The following KIF6 variants were observed in gnomAD, a reference collection of about 807,000 sequenced individuals.
KIF6 encodes kinesin-like protein KIF6.
In KIF6, 106 loss-of-function variants were observed where a neutral mutation model predicts 112.7. The observed-to-expected ratio is 0.94, with a 90% CI of 0.80 to 1.11. KIF6 has a LOEUF of 1.11. Among genes scored for constraint, KIF6 ranks in the 50% least tolerant of loss-of-function variants. The pLI, the probability that KIF6 is intolerant of heterozygous loss-of-function variation, is 0.00. For missense variants in KIF6, 929 were observed against 964.0 expected (o/e 0.96, Z 0.48); for synonymous variants, 339 against 339.9 (o/e 1.00, Z 0.03).
At chr6:39,460,386 AG>A (rs1273450191) in intron 13 of KIF6, among the ~76,000 whole-genome samples, 1 of 53,294 alleles carries the variant, frequency 1.9e-5, no homozygotes, top group Non-Finnish European at 3.3e-5. Flanking sequence ...GGGTGGGGGG[AG>A]GGGGGAGGGA....
chr6:39,586,521 GA>G (rs1364535598), intron 7 of KIF6, 117 bp from the exon 8 acceptor site: 1 of 765,536 alleles, frequency 1.3e-6, no homozygotes, highest in Non-Finnish European at 2.2e-6. Context: ...AATGCACGGT[GA>G]AGCCCAAAAC....
chr6:39,581,660 T>C (rs529687304), intron 9 of KIF6, among the ~76,000 whole-genome samples: 85 of 142,088 alleles, frequency 6.0e-4, no homozygotes, highest in South Asian at 1.8e-3. Context: ...AGTGGATAGA[T>C]TTTTTTTTTT....
chr6:39,409,339 G>C (rs957084109), intron 15 of KIF6, among the ~76,000 whole-genome samples: 5 of 152,202 alleles, frequency 3.3e-5, no homozygotes, highest in African/African-American at 1.2e-4. Context: ...TGTTCAGGTA[G>C]CTGCCAGGGT....
Position 39,629,091 on chromosome 6 carries a change from T to C in KIF6, c.509+5758A>G, listed in dbSNP as rs1361195742. ...TTAACCTATTGATGAACATCTTGGT[T>C]CCTACCAATTTTTAGCAATTATGAA... is the stretch of plus-strand genomic sequence containing the variant. On this transcript the variant is annotated intron_variant, in intron 5 of 22. Coordinates refer to ENST00000287152, the MANE Select transcript of KIF6 (RefSeq NM_145027.6). 2.0e-5 allele frequency among the ~76,000 whole-genome samples: 3 copies of C among 152,166 alleles called. No individual in the cohort carries two copies. The East Asian group carries it at 5.8e-4, about 29-fold the overall frequency.
intron 10 of KIF6, among the ~76,000 whole-genome samples, chr6:39,565,483 G>A (rs192344059): frequency 2.0e-3 from 306 of 152,254 alleles, no homozygotes; most frequent in Non-Finnish European, 3.5e-3. Context: ...AATCAAACAG[G>A]AGGATAAATC....
At chr6:39,685,587 G>A (rs1787813479) in intron 3 of KIF6, among the ~76,000 whole-genome samples, 1 of 152,240 alleles carries the variant, frequency 6.6e-6, no homozygotes, top group Admixed American at 6.5e-5. Context: ...ATGCAGGCAT[G>A]AGTCTATAGT....
chr6:39,524,261 T>C (rs1303533633), intron 13 of KIF6, among the ~76,000 whole-genome samples: 1 of 152,142 alleles, frequency 6.6e-6, no homozygotes, highest in South Asian at 2.1e-4. Context: ...AAATACAGCA[T>C]ATATTTTGTC....
At chr6:39,635,596 C>T (rs1423507911) in intron 4 of KIF6, among the ~76,000 whole-genome samples, 1 of 151,914 alleles carries the variant, frequency 6.6e-6, no homozygotes, top group Non-Finnish European at 1.5e-5. Flanking sequence ...AGATGTTTAG[C>T]TATTAGATAG....
intron 13 of KIF6, among the ~76,000 whole-genome samples, chr6:39,539,200 G>A (rs966376898): frequency 9.3e-5 from 14 of 150,506 alleles, no homozygotes; most frequent in African/African-American, 2.2e-4. Context: ...ACATGTACCC[G>A]AAAACTTAAA....
intron 13 of KIF6, among the ~76,000 whole-genome samples, chr6:39,455,242 A>AC (rs1772991852): frequency 6.6e-6 from 1 of 151,396 alleles, no homozygotes; most frequent in Non-Finnish European, 1.5e-5. Context: ...ACTGGGAGGC[A>AC]CCCCCCAGCA....
chr6:39,684,222 C>A (rs902247172), intron 3 of KIF6, among the ~76,000 whole-genome samples: 1 of 152,158 alleles, frequency 6.6e-6, no homozygotes, highest in Admixed American at 6.6e-5. Flanking sequence ...TAAGAGTAGG[C>A]CGGGTGCAGG....
At chr6:39,517,421 T>C (rs1777146894) in intron 13 of KIF6, among the ~76,000 whole-genome samples, 1 of 152,186 alleles carries the variant, frequency 6.6e-6, no homozygotes, top group East Asian at 1.9e-4. Context: ...CTGTTGACAG[T>C]GGATAACAAA....
chr6:39,543,968 T>C (rs943767218), intron 12 of KIF6, among the ~76,000 whole-genome samples: 3 of 152,258 alleles, frequency 2.0e-5, no homozygotes, highest in African/African-American at 7.2e-5. Flanking sequence ...TGAACACTCA[T>C]CTATACTCAC....
intron 15 of KIF6, among the ~76,000 whole-genome samples, chr6:39,398,206 A>C (rs191154409): frequency 1.3e-5 from 2 of 152,298 alleles, no homozygotes; most frequent in Admixed American, 1.3e-4. Context: ...TAAAGGCGTA[A>C]TCCTTAATTA....
At chr6:39,410,731 C>G (rs917204486) in intron 15 of KIF6, among the ~76,000 whole-genome samples, 2 of 152,128 alleles carry the variant, frequency 1.3e-5, no homozygotes, top group African/African-American at 2.4e-5. Context: ...CTTTGAGAAC[C>G]TGGAAATTAA....
chr6:39,639,724 T>C lies in KIF6; in HGVS notation c.285A>G (p.Ala95=), dbSNP rs1205392986. 2 of 1,612,404 alleles carry C rather than the reference T, an allele frequency of 1.2e-6. No individual in the cohort carries two copies. Among genetic ancestry groups the C allele is most frequent in the Non-Finnish European group, 1.7e-6 (2 of 1,179,072 alleles). The change falls in exon 4 of 23, where the codon GCA becomes GCG. Residue 95 remains alanine, a synonymous_variant. Coordinates refer to ENST00000287152, the MANE Select transcript of KIF6 (RefSeq NM_145027.6). The part of the protein sequence containing the change: ...VLAGYNGTIF[A]YGQTGSGKTF... Reference sequence around the variant, plus strand: ...TCTTCCCGCTGCCTGTTTGCCCATATGCAAAGATGGTACCATTGTAACCTG... The same window carrying C: ...TCTTCCCGCTGCCTGTTTGCCCATACGCAAAGATGGTACCATTGTAACCTG...
chr6:39,387,543 T>C (rs920964447), intron 15 of KIF6, among the ~76,000 whole-genome samples: 3 of 151,952 alleles, frequency 2.0e-5, no homozygotes, highest in South Asian at 2.1e-4. Context: ...CCTTATTCCA[T>C]GTGGGGGAAG....
chr6:39,532,365 A>G (rs1028335928), intron 13 of KIF6, among the ~76,000 whole-genome samples: 5 of 152,206 alleles, frequency 3.3e-5, no homozygotes, highest in African/African-American at 1.2e-4. Context: ...CTATGCCTAG[A>G]ACAAAGGATG....
At chr6:39,527,205 T>A (rs1582053825) in intron 13 of KIF6, among the ~76,000 whole-genome samples, 1 of 152,298 alleles carries the variant, frequency 6.6e-6, no homozygotes, top group African/African-American at 2.4e-5. Flanking sequence ...GTTCTCCTTC[T>A]TGTGTCTATA....
Sources: allele counts gnomAD v4.1 joint callset (sites outside exome capture counted in the v4.1 genomes callset), GRCh38; gene constraint gnomAD v4.1.1; transcripts MANE v1.5; gene names NCBI Gene and HGNC (gene_info 2026-07-23, HGNC 2026-07-21).